Variants in NEO1 observed in about 807,000 individuals in gnomAD.
NEO1 encodes neogenin 1.
NEO1 carries 63 observed loss-of-function variants against 159.7 expected under a neutral mutation model. The ratio of observed to expected loss-of-function variants is 0.39; its 90% CI spans 0.32 to 0.49. The LOEUF is 0.49. Ranked by LOEUF, NEO1 falls within the 20% of genes least tolerant of loss-of-function variation. The pLI, the probability that NEO1 is intolerant of heterozygous loss-of-function variation, is 0.85. For synonymous variants in NEO1, 633 were observed against 662.0 expected (o/e 0.96, Z 0.67); for missense variants, 1,615 against 1,831.0 (o/e 0.88, Z 2.15).
At chr15:73,138,624 C>T (rs1017004176) in intron 5 of NEO1, among the ~76,000 whole-genome samples, 1 of 152,010 alleles carries the variant, frequency 6.6e-6, no homozygotes, top group African/African-American at 2.4e-5. Context: ...GGCGTAGTGG[C>T]GGCCGCCTGT....
Position 73,295,125 on chromosome 15 carries a change from A to AATATATATATAT in NEO1, c.3901+1584_3901+1595dup, listed in dbSNP as rs10524460. Among the ~76,000 whole-genome samples, 83 of 100,194 alleles carry AATATATATATAT rather than the reference A, an allele frequency of 8.3e-4. 3 individuals carry two copies. The highest frequency in any genetic ancestry group is 2.0e-3 in the Admixed American group (21 of 10,360). 65.7% of individuals were successfully genotyped at this position (100,194 alleles called of 152,430 possible). ...AAGATCCCGTCTCTACTAAATATTA[A>AATATATATATAT]ATATATATATATATATATGTAAAAA... On this transcript the variant is annotated intron_variant, in intron 26 of 28. Coordinates refer to ENST00000261908, the MANE Select transcript of NEO1 (RefSeq NM_002499.4).
chr15:73,068,948 G>A (rs1261141235), intron 1 of NEO1, among the ~76,000 whole-genome samples: 2 of 134,092 alleles, frequency 1.5e-5, no homozygotes, highest in African/African-American at 2.7e-5. Flanking sequence ...ACCTTTGATA[G>A]AGTGGGGCTT....
chr15:73,249,480 A>G (rs2039962061), intron 10 of NEO1, 103 bp from the exon 11 acceptor site: 1 of 1,274,108 alleles, frequency 7.8e-7, no homozygotes, highest in Non-Finnish European at 1.1e-6. Context: ...AAGGGATAAA[A>G]TCTGTTTCAT....
rs747904233 is a variant in NEO1 at position 73,270,145 on chromosome 15, A to G, written c.2630A>G (p.Asn877Ser). The stretch of plus-strand genomic sequence containing the variant: ...ACCATCAGGATTACGTGGGCAGACA[A>G]CTCGCTGCCCAAGCACCAGAAGATT... Reference protein sequence around the residue: ...HDTIRITWADNSLPKHQKITD... With the variant: ...HDTIRITWADSSLPKHQKITD... Residue 877 changes from asparagine (N) to serine (S), a missense_variant, in exon 17 of 29, where the codon AAC becomes AGC. Around this residue, in one of 3 missense-constraint regions of NEO1, gnomAD observed 1,018 missense variants for 1,115.4 expected, o/e 0.91. Transcript: ENST00000261908. 3.1e-6 allele frequency: 5 copies of G among 1,614,054 alleles called. No homozygotes were observed. The South Asian group carries it at 5.5e-5, about 18-fold the overall frequency.
chr15:73,082,241 A>G (rs1172167362), intron 1 of NEO1, among the ~76,000 whole-genome samples: 3 of 152,186 alleles, frequency 2.0e-5, no homozygotes, highest in East Asian at 1.9e-4. Flanking sequence ...AGTCGAGTCT[A>G]CTTAAGCTCT....
chr15:73,237,737 AG>A (rs959302188), intron 8 of NEO1, among the ~76,000 whole-genome samples: 1 of 152,238 alleles, frequency 6.6e-6, no homozygotes, highest in Non-Finnish European at 1.5e-5. Flanking sequence ...ACATAAAAAA[AG>A]GTAAGACATT....
At chr15:73,289,889 G>C (rs923631264) in intron 25 of NEO1, among the ~76,000 whole-genome samples, 1 of 152,156 alleles carries the variant, frequency 6.6e-6, no homozygotes, top group Admixed American at 6.5e-5. Flanking sequence ...AGCAGAGGTT[G>C]CAGTGAGCCA....
intron 1 of NEO1, among the ~76,000 whole-genome samples, chr15:73,090,909 A>T (rs1305235515): frequency 6.6e-6 from 1 of 152,186 alleles, no homozygotes; most frequent in African/African-American, 2.4e-5. Flanking sequence ...TACTGTGTTA[A>T]ATGGTTTGCA....
intron 4 of NEO1, among the ~76,000 whole-genome samples, chr15:73,126,851 C>G (rs895653922): frequency 6.6e-6 from 1 of 152,016 alleles, no homozygotes; most frequent in African/African-American, 2.4e-5. Context: ...TAAATTGTTG[C>G]AAGAGCTTTG....
intron 1 of NEO1, among the ~76,000 whole-genome samples, chr15:73,087,716 A>C (rs577873196): frequency 6.6e-6 from 1 of 152,316 alleles, no homozygotes; most frequent in African/African-American, 2.4e-5. Context: ...CATGTCTCAC[A>C]ATTCAGATGA....
At chr15:73,218,430 G>T (rs1051193747) in intron 7 of NEO1, among the ~76,000 whole-genome samples, 1 of 151,972 alleles carries the variant, frequency 6.6e-6, no homozygotes, top group Admixed American at 6.6e-5. Context: ...TCAGGATGAT[G>T]CTGGCCTCAT....
intron 5 of NEO1, among the ~76,000 whole-genome samples, chr15:73,170,748 C>T (rs2034904024): frequency 6.6e-6 from 1 of 152,058 alleles, no homozygotes; most frequent in Admixed American, 6.5e-5. Context: ...TTATTCTGCC[C>T]CTTTTCGAAG....
chr15:73,192,191 GAT>G (rs2036271990), intron 7 of NEO1, among the ~76,000 whole-genome samples: 2 of 152,142 alleles, frequency 1.3e-5, no homozygotes, highest in South Asian at 4.1e-4. Flanking sequence ...TTTCTGAAGT[GAT>G]ATTTAAGTTG....
chr15:73,192,195 T>C (rs955837495), intron 7 of NEO1, among the ~76,000 whole-genome samples: 6 of 152,028 alleles, frequency 3.9e-5, no homozygotes, highest in Non-Finnish European at 8.8e-5. Flanking sequence ...TGAAGTGATA[T>C]TTAAGTTGAG....
intron 23 of NEO1, among the ~76,000 whole-genome samples, chr15:73,284,717 C>T (rs2041875881): frequency 6.6e-6 from 1 of 151,800 alleles, no homozygotes; most frequent in South Asian, 2.1e-4. Context: ...TCCCAAGTAG[C>T]TGGGATTACA....
In NEO1 at chr15:73,131,589, T is replaced by C. The variant is rs976713802; in HGVS notation, c.879-4302T>C. Among the ~76,000 whole-genome samples, 6 of 152,330 alleles carry C rather than the reference T, an allele frequency of 3.9e-5. No individual in the cohort carries two copies. The East Asian group carries it at 1.2e-3, about 29-fold the overall frequency. On this transcript the variant is annotated intron_variant, in intron 4 of 28. Transcript: ENST00000261908. ...AGGCACCATGTGCCTTATTCTAAGT[T>C]ACAGTCGGTGCAGTGGCCTCCTAAT...
At chr15:73,166,522 A>G (rs2034579881) in intron 5 of NEO1, among the ~76,000 whole-genome samples, 1 of 152,206 alleles carries the variant, frequency 6.6e-6, no homozygotes, top group Non-Finnish European at 1.5e-5. Context: ...GCAAGGGTTT[A>G]TAAAGGCAGG....
chr15:73,258,385 C>T (rs187911861), intron 13 of NEO1, among the ~76,000 whole-genome samples: 99 of 152,230 alleles, frequency 6.5e-4, no homozygotes, highest in African/African-American at 2.4e-3. Flanking sequence ...AGACCAGATA[C>T]CTTTGTTCCT....
Position 73,270,166 on chromosome 15 carries a change from A to G in NEO1, c.2651A>G (p.Lys884Arg). 6.2e-7 allele frequency: 1 copy of G among 1,614,198 alleles called. No homozygotes were observed. Residue 884 changes from lysine to arginine, a missense_variant, in exon 17 of 29, where the codon AAG becomes AGG. Lys to Arg is a conservative substitution (Grantham distance 26). Coordinates refer to ENST00000261908, the MANE Select transcript of NEO1 (RefSeq NM_002499.4). ...WADNSLPKHQ[K>R]ITDSRYYTVR... ...GACAACTCGCTGCCCAAGCACCAGA[A>G]GATTACAGACTCCCGATACTACACC...
Sources: allele counts gnomAD v4.1 joint callset (sites outside exome capture counted in the v4.1 genomes callset), GRCh38; gene constraint gnomAD v4.1.1; regional missense constraint gnomAD v4.1.1; transcripts MANE v1.5; gene names NCBI Gene and HGNC (gene_info 2026-07-23, HGNC 2026-07-21).